The following RCC1 variants were observed in gnomAD, a reference collection of about 807,000 sequenced individuals.
RCC1 encodes the protein regulator of chromosome condensation.
In RCC1, 11 loss-of-function variants were observed where a neutral mutation model predicts 44.4. The observed-to-expected ratio is 0.25, with a 90% CI of 0.16 to 0.41. RCC1 has a LOEUF of 0.41. Among genes scored for constraint, RCC1 ranks in the 10% least tolerant of loss-of-function variants. The pLI is 1.00. For missense variants in RCC1, 386 were observed against 547.1 expected, an observed-to-expected ratio of 0.71 and a Z score of 2.94; for synonymous variants, 213 against 216.5, an observed-to-expected ratio of 0.98 and a Z score of 0.14.
rs1206244298 is a variant in RCC1 at position 28,537,971 on chromosome 1, T to C, written c.1230T>C (p.His410=). 1.5e-5 allele frequency: 25 copies of C among 1,613,800 alleles called. No individual in the cohort carries two copies. The highest frequency in any genetic ancestry group is 2.1e-5 in the Non-Finnish European group (25 of 1,179,968). The change falls in exon 13 of 13, where the codon CAT becomes CAC. Residue 410 remains histidine, a synonymous_variant. Transcript: ENST00000683442. ...VVLSVSSGGQ[H]TVLLVKDKEQ... is the part of the protein sequence containing the mutation. ...TATCTGTGTCCAGCGGGGGCCAGCATACAGTCTTATTAGTCAAGGACAAAG... is the reference window on the plus strand; with the variant it reads ...TATCTGTGTCCAGCGGGGGCCAGCACACAGTCTTATTAGTCAAGGACAAAG...
At chr1:28,517,383 G>C (rs1662959858) in intron 4 of RCC1, among the ~76,000 whole-genome samples, 1 of 151,970 alleles carries the variant, frequency 6.6e-6, no homozygotes. Context: ...TATTTTATCT[G>C]GTCTCTCTCA....
intron 4 of RCC1, among the ~76,000 whole-genome samples, chr1:28,520,848 T>C (rs922578222): frequency 1.1e-4 from 16 of 151,918 alleles, no homozygotes; most frequent in Admixed American, 7.2e-4. Flanking sequence ...GAGGCCAAGG[T>C]GGGCAGATCA....
Position 28,538,043 on chromosome 1 carries a change from A to G in RCC1, c.*36A>G, listed in dbSNP as rs1490923925. 2 of 1,586,120 alleles carry G rather than the reference A, an allele frequency of 1.3e-6. No homozygotes were observed. The highest frequency in any genetic ancestry group is 1.8e-5 in the Admixed American group (1 of 56,300). Reference sequence around the variant, plus strand: ...GAGGGCCTGGCTTCTGTCCTGCACAACCTCCCTCACAGAACAGGGAAGCAG... The same window carrying G: ...GAGGGCCTGGCTTCTGTCCTGCACAGCCTCCCTCACAGAACAGGGAAGCAG... On this transcript the variant is annotated 3_prime_UTR_variant, in exon 13 of 13. Coordinates refer to ENST00000683442, the MANE Select transcript of RCC1 (RefSeq NM_001381865.2).
rs773775418 is a variant in RCC1, at chr1:28,536,823, C to T, written c.1014C>T (p.Pro338=). Residue 338 remains proline (P), a synonymous_variant, in exon 12 of 13, where the codon CCC becomes CCT. Coordinates refer to ENST00000683442, the MANE Select transcript of RCC1 (RefSeq NM_001381865.2). The surrounding 1 kb of genome is among the most constrained non-coding windows in gnomAD (Gnocchi z 4.9). ...LGEGAEEKSI[P]TLISRLPAVS... is the part of the protein sequence containing the mutation. Reference sequence around the variant, plus strand: ...AGGGTGCTGAGGAGAAGAGCATACCCACCCTCATCTCCAGGCTGCCTGCTG... The same window carrying T: ...AGGGTGCTGAGGAGAAGAGCATACCTACCCTCATCTCCAGGCTGCCTGCTG... 4.3e-6 allele frequency: 7 copies of T among 1,614,070 alleles called. No homozygotes were observed. Among genetic ancestry groups the T allele is most frequent in the Non-Finnish European group, 5.9e-6 (7 of 1,179,972 alleles).
intron 3 of RCC1, chr1:28,509,628 G>A (rs1253512498): frequency 1.3e-5 from 2 of 152,132 alleles, no homozygotes; most frequent in Non-Finnish European, 2.9e-5. Context: ...AAATAAATAC[G>A]ACTGCATGTT....
At chr1:28,514,152 G>C (rs1326610151) in intron 3 of RCC1, among the ~76,000 whole-genome samples, 3 of 149,008 alleles carry the variant, frequency 2.0e-5, no homozygotes, top group African/African-American at 7.5e-5. Context: ...GCAAGACTCC[G>C]TCTCAAAAAA....
intron 1 of RCC1, chr1:28,507,600 C>CTTTTTTT (rs34452349): frequency 8.6e-6 from 3 of 348,082 alleles, no homozygotes; most frequent in East Asian, 1.5e-4. Flanking sequence ...GGATTGAAGT[C>CTTTTTTT]TTTTTTTTTT....
chr1:28,509,515 A>G (rs1378297243), intron 3 of RCC1: 4 of 152,756 alleles, frequency 2.6e-5, no homozygotes, highest in Non-Finnish European at 4.4e-5. Context: ...CTGGGATTAC[A>G]GCTGTGAGCC....
intron 7 of RCC1, among the ~76,000 whole-genome samples, chr1:28,533,266 T>A (rs1664294076): frequency 6.7e-6 from 1 of 149,036 alleles, no homozygotes; most frequent in Admixed American, 6.7e-5. Flanking sequence ...CGTCAGGAGA[T>A]CGAGACCATA....
intron 1 of RCC1, chr1:28,507,575 T>C (rs1422445577): frequency 1.9e-6 from 1 of 514,128 alleles, no homozygotes; most frequent in East Asian, 5.5e-5. Flanking sequence ...AACAGCCTTC[T>C]AGAGCACTGA....
At chr1:28,530,063 A>C in intron 5 of RCC1, 124 bp downstream of exon 5, 3 of 671,884 alleles carry the variant, frequency 4.5e-6, no homozygotes, top group Non-Finnish European at 7.4e-6. Context: ...GACCCCACCC[A>C]GCTGGAAGGT....
intron 3 of RCC1, among the ~76,000 whole-genome samples, chr1:28,512,642 AT>A (rs1306795831): frequency 1.3e-5 from 2 of 151,964 alleles, no homozygotes; most frequent in Non-Finnish European, 2.9e-5. Flanking sequence ...AGTGCTATAA[AT>A]TTCCTCCAGA....
chr1:28,513,725 C>T (rs1281632368), intron 3 of RCC1, among the ~76,000 whole-genome samples: 1 of 152,068 alleles, frequency 6.6e-6, no homozygotes, highest in Non-Finnish European at 1.5e-5. Context: ...GTGAAGACCA[C>T]AGGCATGTGC....
At chr1:28,528,646 G>GT (rs1038783109) in intron 4 of RCC1, among the ~76,000 whole-genome samples, 1 of 151,992 alleles carries the variant, frequency 6.6e-6, no homozygotes, top group African/African-American at 2.4e-5. Context: ...AAAAATACAT[G>GT]TAATGCTCCT....
intron 4 of RCC1, among the ~76,000 whole-genome samples, chr1:28,517,568 A>G (rs537652937): frequency 9.1e-4 from 139 of 152,264 alleles, no homozygotes; most frequent in Non-Finnish European, 1.3e-3. Context: ...GCACATACCC[A>G]TCTGATGTTA....
At chr1:28,514,019 AT>A (rs1662716020) in intron 3 of RCC1, among the ~76,000 whole-genome samples, 1 of 151,756 alleles carries the variant, frequency 6.6e-6, no homozygotes, top group Non-Finnish European at 1.5e-5. Context: ...AAAAAAAAAA[AT>A]TAGCCAGGTG....
chr1:28,534,865 T>C (rs185940876), intron 7 of RCC1, among the ~76,000 whole-genome samples, 185 bp from the exon 8 acceptor site: 13 of 152,362 alleles, frequency 8.5e-5, no homozygotes, highest in Middle Eastern at 3.4e-3. Context: ...TTGCATCCGC[T>C]CTCTGACTCC....
At chr1:28,534,847 A>C (rs1387347848) in intron 7 of RCC1, among the ~76,000 whole-genome samples, 3 of 152,182 alleles carry the variant, frequency 2.0e-5, no homozygotes, top group Non-Finnish European at 4.4e-5. Flanking sequence ...AGACTTGTTT[A>C]TCTCTATTTG....
intron 5 of RCC1, among the ~76,000 whole-genome samples, chr1:28,531,179 A>G (rs930691084): frequency 3.9e-5 from 6 of 152,126 alleles, no homozygotes; most frequent in African/African-American, 1.4e-4. Context: ...CAATTAGCCA[A>G]GATCCACCAC....
Sources: gnomAD v4.1 joint callset for allele counts (sites outside exome capture counted in the v4.1 genomes callset) on GRCh38, gnomAD v4.1.1 for gene constraint, Gnocchi (gnomAD v3.1) non-coding constraint, MANE v1.5 for transcripts, NCBI Gene and HGNC (gene_info 2026-07-23, HGNC 2026-07-21) for gene names.